The following KLHL15 variants were observed in gnomAD, a reference collection of about 807,000 sequenced individuals.
KLHL15 encodes the protein kelch-like protein 15.
KLHL15 carries 1 observed loss-of-function variant against 29.3 expected under a neutral mutation model. That is an observed-to-expected ratio of 0.03 (90% CI 0.01 to 0.16). The LOEUF (loss-of-function observed/expected upper bound fraction) is 0.16, where lower values mean the gene tolerates loss of function less well. KLHL15 is among the 10% of genes least tolerant of loss of function. The pLI, the probability that KLHL15 is intolerant of heterozygous loss-of-function variation, is 1.00. For synonymous variants in KLHL15, 212 were observed against 184.5 expected (o/e 1.15, Z -1.21); for missense variants, 215 against 478.5 (o/e 0.45, Z 5.14).
At chrX:24,007,508 A>AATATATATATATATATATAT (rs759758947) in intron 2 of KLHL15, among the ~76,000 whole-genome samples, 1 of 35,938 alleles carries the variant, frequency 2.8e-5, no homozygotes, top group African/African-American at 1.5e-4. Context: ...AAAAAAAAAA[A>AATATATATATATATATATAT]ATATATATAT....
chrX:24,025,567 G>GC lies in KLHL15; in HGVS notation c.-209-510dup, dbSNP rs1231389266. ...TGGGGGCGGGGAGCTGGCCCGGGAGGCCCCCCCCTCGGCCCCTGCTGGCGC... is the reference window on the plus strand; with the variant it reads ...TGGGGGCGGGGAGCTGGCCCGGGAGGCCCCCCCCCTCGGCCCCTGCTGGCGC... On this transcript the variant is annotated intron_variant, in intron 1 of 3. Coordinates refer to ENST00000328046, the MANE Select transcript of KLHL15 (RefSeq NM_030624.3). 5.1e-4 allele frequency among the ~76,000 whole-genome samples: 54 copies of GC among 106,814 alleles called. No homozygotes were observed. The South Asian group carries it at 5.4e-3, about 11-fold the overall frequency. The allele number at this position is 106,814 out of a possible 115,157, so 92.8% of individuals were successfully genotyped here.
rs1448717742 is a variant in KLHL15 at position 24,006,124 on chromosome X, G to A, written c.570C>T (p.Ser190=). The A allele has an allele frequency of 4.1e-6, 5 of 1,211,334 alleles. No homozygotes were observed. The highest frequency in any genetic ancestry group is 4.5e-6 in the Non-Finnish European group (4 of 895,197). ...LMSYLDNDHL[S]RFPEIELYEA... is the part of the protein sequence containing the mutation. ...CGTACAGCTCTATCTCTGGGAACCTGCTCAGATGATCATTATCCAAGTAAG... is the reference window on the plus strand; with the variant it reads ...CGTACAGCTCTATCTCTGGGAACCTACTCAGATGATCATTATCCAAGTAAG... The change falls in exon 3 of 4, where the codon AGC becomes AGT. Residue 190 remains serine, a synonymous_variant. Coordinates refer to ENST00000328046, the MANE Select transcript of KLHL15 (RefSeq NM_030624.3).
chrX:24,011,397 G>GCA (rs1396461351), intron 2 of KLHL15, among the ~76,000 whole-genome samples: 1 of 108,499 alleles, frequency 9.2e-6, no homozygotes, highest in Non-Finnish European at 1.9e-5. Context: ...GAGCCTCCCA[G>GCA]CACTTTGGGA....
Position 24,017,175 on chromosome X carries a change from G to A in KLHL15, c.-8+7682C>T, listed in dbSNP as rs1272455669. On this transcript the variant is annotated intron_variant, in intron 2 of 3. Transcript: ENST00000328046. Reference sequence around the variant, plus strand: ...TGCAGTGAGCTGAGATGGCGCCATTGTACTCCAGCCTGGGCAACAAACTAA... The same window carrying A: ...TGCAGTGAGCTGAGATGGCGCCATTATACTCCAGCCTGGGCAACAAACTAA... 5.0e-5 allele frequency among the ~76,000 whole-genome samples: 5 copies of A among 99,197 alleles called. No homozygotes were observed. In the East Asian group the frequency reaches 1.6e-3, roughly 31 times the overall value. The allele number at this position is 99,197 out of a possible 115,157, so 86.1% of individuals were successfully genotyped here. A position where few individuals can be genotyped will look rare whatever the true frequency, so the allele number is the denominator to read the frequency against.
chrX:24,022,908 G>A (rs920505649), intron 2 of KLHL15, among the ~76,000 whole-genome samples: 1 of 109,145 alleles, frequency 9.2e-6, no homozygotes, highest in Non-Finnish European at 1.9e-5. Flanking sequence ...CTAACTTTGT[G>A]TTTTTAGTAG....
chrX:23,990,359 A>C (rs1489687573), intron 3 of KLHL15, among the ~76,000 whole-genome samples: 1 of 111,316 alleles, frequency 9.0e-6, no homozygotes, highest in Admixed American at 9.6e-5. Flanking sequence ...AATTAGAGAT[A>C]AAGATTATAC....
intron 3 of KLHL15, among the ~76,000 whole-genome samples, chrX:24,002,147 A>G (rs1602005450): frequency 9.1e-6 from 1 of 110,156 alleles, no homozygotes; most frequent in South Asian, 3.7e-4. Context: ...GAAAATGAAT[A>G]AATAAATAAA....
chrX:23,987,678 A>C lies in KLHL15; in HGVS notation c.*243T>G. On this transcript the variant is annotated 3_prime_UTR_variant, in exon 4 of 4. Coordinates refer to ENST00000328046, the MANE Select transcript of KLHL15 (RefSeq NM_030624.3). ...GAAAATCAATATCCCAGATAAGTGG[A>C]GCATTCTATTCAACTGCTTCTGGAA... 1 of 319,807 alleles carries C rather than the reference A, an allele frequency of 3.1e-6. No homozygotes were observed. The highest frequency in any genetic ancestry group is 4.9e-5 in the East Asian group (1 of 20,364). The allele number at this position is 319,807 out of a possible 1,213,427, so 26.4% of individuals were successfully genotyped here. A position where few individuals can be genotyped will look rare whatever the true frequency, so the allele number is the denominator to read the frequency against.
In KLHL15 at chrX:23,985,709, A is replaced by G. The variant is rs868670724; in HGVS notation, c.*2212T>C. On this transcript the variant is annotated 3_prime_UTR_variant, in exon 4 of 4. Transcript: ENST00000328046. The stretch of plus-strand genomic sequence containing the variant: ...TCACCCTGACTAGGGTCATGAAGTC[A>G]TATCTAAGCAATTAAAGAGAACCAC... The G allele has an allele frequency of 8.0e-5, 9 of 112,643 alleles. No homozygotes were observed. The highest frequency in any genetic ancestry group is 1.9e-4 in the African/African-American group (6 of 31,082). The allele number at this position is 112,643 out of a possible 1,213,427, so 9.3% of individuals were successfully genotyped here. A position where few individuals can be genotyped will look rare whatever the true frequency, so the allele number is the denominator to read the frequency against.
intron 3 of KLHL15, among the ~76,000 whole-genome samples, chrX:24,004,434 A>T (rs1434567833): frequency 8.9e-6 from 1 of 112,104 alleles, no homozygotes. Flanking sequence ...AAAAATCAAA[A>T]CATCAGAGAC....
intron 3 of KLHL15, among the ~76,000 whole-genome samples, chrX:23,999,051 C>G (rs938702351): frequency 9.1e-6 from 1 of 110,267 alleles, no homozygotes; most frequent in Non-Finnish European, 1.9e-5. Context: ...GGATTACAGG[C>G]GCCTGCCACC....
At position 23,993,800 on chromosome X, in the gene KLHL15, G is replaced by C. The variant is rs182314027; in HGVS notation, c.706-4770C>G. Among the ~76,000 whole-genome samples, 962 of 109,717 alleles carry C rather than the reference G, an allele frequency of 8.8e-3. 11 individuals carry two copies. The highest frequency in any genetic ancestry group is 0.03 in the African/African-American group (915 of 30,121). On this transcript the variant is annotated intron_variant, in intron 3 of 3. Transcript: ENST00000328046. Reference sequence around the variant, plus strand: ...TCTCAGCACTTTGGGAGGTCGAGGCGGGCAAATCACTTGAGCTCAGGAGTT... The same window carrying C: ...TCTCAGCACTTTGGGAGGTCGAGGCCGGCAAATCACTTGAGCTCAGGAGTT...
chrX:23,988,521 T>C lies in KLHL15; in HGVS notation c.1215A>G (p.Lys405=). ...CTGGATAAGGATCCACAAATTCCCA[T>C]TTATCGTTGGTGATGTCATATCTCT... is the stretch of plus-strand genomic sequence containing the variant. ...STERYDITND[K]WEFVDPYPVN... The change falls in exon 4 of 4, where the codon AAA becomes AAG. Residue 405 remains lysine, a synonymous_variant. Transcript: ENST00000328046. The C allele has an allele frequency of 1.7e-6, 2 of 1,211,575 alleles. No individual in the cohort carries two copies. The highest frequency in any genetic ancestry group is 2.2e-6 in the Non-Finnish European group (2 of 895,377).
chrX:24,009,280 T>A (rs1200169688), intron 2 of KLHL15, among the ~76,000 whole-genome samples: 2 of 110,908 alleles, frequency 1.8e-5, no homozygotes, highest in Admixed American at 9.6e-5. Flanking sequence ...GTGGATCACC[T>A]GAAGGTCAGG....
At chrX:24,022,971 G>A (rs1166990208) in intron 2 of KLHL15, among the ~76,000 whole-genome samples, 1 of 111,139 alleles carries the variant, frequency 9.0e-6, no homozygotes, top group Non-Finnish European at 1.9e-5. Context: ...CGACCCTCAG[G>A]TGATCCGCCC....
intron 3 of KLHL15, among the ~76,000 whole-genome samples, chrX:24,002,262 G>A (rs1602005572): frequency 8.9e-6 from 1 of 112,123 alleles, no homozygotes; most frequent in African/African-American, 3.2e-5. Flanking sequence ...ACCAAAGAAA[G>A]CAGTTGAAAC....
rs1014250504 is a variant in KLHL15 at position 24,009,263 on chromosome X, G to A, written c.-7-2563C>T. ...TGTAATCCCAACACTTTGGGAGGCC[G>A]AGATGGGTGGATCACCTGAAGGTCA... is the stretch of plus-strand genomic sequence containing the variant. On this transcript the variant is annotated intron_variant, in intron 2 of 3. Coordinates refer to ENST00000328046, the MANE Select transcript of KLHL15 (RefSeq NM_030624.3). Among the ~76,000 whole-genome samples, 4 of 111,111 alleles carry A rather than the reference G, an allele frequency of 3.6e-5. No homozygotes were observed. In the East Asian group the frequency reaches 8.5e-4, roughly 23 times the overall value.
chrX:24,012,947 T>C (rs1929603980), intron 2 of KLHL15, among the ~76,000 whole-genome samples: 1 of 111,872 alleles, frequency 8.9e-6, no homozygotes, highest in Admixed American at 9.6e-5. Context: ...TCGAAAGCTA[T>C]ATCATTTCAT....
At position 23,987,968 on chromosome X, in the gene KLHL15, G is replaced by A. The variant is rs776903969; in HGVS notation, c.1768C>T (p.Leu590=). Residue 590 remains leucine (L), a synonymous_variant, in exon 4 of 4, where the codon CTG becomes TTG. Coordinates refer to ENST00000328046, the MANE Select transcript of KLHL15 (RefSeq NM_030624.3). ...CKLDGLQVCN[L]HFPDYVLDEV... ...TCCAGTACATAGTCCGGAAAATGCA[G>A]GTTGCATACTTGTAAACCATCCAGC... 2 of 1,210,458 alleles carry A rather than the reference G, an allele frequency of 1.7e-6. No individual in the cohort carries two copies. Among genetic ancestry groups the A allele is most frequent in the South Asian group, 3.5e-5 (2 of 56,847 alleles).
Sources: gnomAD v4.1 joint callset for allele counts (sites outside exome capture counted in the v4.1 genomes callset) on GRCh38, gnomAD v4.1.1 for gene constraint, MANE v1.5 for transcripts, NCBI Gene and HGNC (gene_info 2026-07-23, HGNC 2026-07-21) for gene names.